CSMD1: variants seen among roughly 807,000 people sequenced by gnomAD.
CSMD1 encodes CUB and sushi domain-containing protein 1.
Under a neutral mutation model 417.5 loss-of-function variants are expected in CSMD1, and 213 were observed. The ratio of observed to expected loss-of-function variants is 0.51; its 90% CI spans 0.46 to 0.57. The LOEUF is 0.57. CSMD1 is among the 20% of genes least tolerant of loss of function. CSMD1 has a pLI of 0.00. For missense variants in CSMD1, 6,923 were observed against 4,529.7 expected (o/e 1.53, Z -15.17); for synonymous variants, 2,862 against 1,736.8 (o/e 1.65, Z -16.11).
chr8:3,373,029 A>T (rs140915613), intron 18 of CSMD1, among the ~76,000 whole-genome samples: 7 of 152,352 alleles, frequency 4.6e-5, no homozygotes, highest in African/African-American at 1.7e-4. Context: ...TATGAAGACG[A>T]TCACCATAAT....
chr8:4,008,810 A>G (rs1382687809), intron 4 of CSMD1, among the ~76,000 whole-genome samples: 1 of 151,202 alleles, frequency 6.6e-6, no homozygotes, highest in South Asian at 2.1e-4. Flanking sequence ...CGGGATTTCA[A>G]TGTGTTAGCC....
At chr8:3,470,650 C>A (rs555504292) in intron 11 of CSMD1, among the ~76,000 whole-genome samples, 14 of 152,238 alleles carry the variant, frequency 9.2e-5, no homozygotes, top group Middle Eastern at 3.4e-3. Context: ...TGGTGCTCTT[C>A]CCTTAAAATC....
intron 24 of CSMD1, 105 bp from the exon 25 acceptor site, chr8:3,307,926 G>C (rs1805010049): frequency 4.0e-6 from 5 of 1,241,830 alleles, no homozygotes; most frequent in Non-Finnish European, 5.5e-6. Context: ...TATATACATA[G>C]AGAAAAAGAA....
At chr8:3,086,977 C>G (rs1401101451) in intron 49 of CSMD1, 120 bp downstream of exon 49, 4 of 925,482 alleles carry the variant, frequency 4.3e-6, no homozygotes, top group Non-Finnish European at 6.6e-6. Flanking sequence ...CTGTTATAAG[C>G]CAACATTCAA....
chr8:3,052,305 A>T (rs541705294), intron 50 of CSMD1, among the ~76,000 whole-genome samples, 157 bp downstream of exon 50: 2 of 152,178 alleles, frequency 1.3e-5, no homozygotes, highest in Non-Finnish European at 2.9e-5. Context: ...AATATTTTAT[A>T]TGAAATACAT....
At chr8:4,048,252 A>G (rs763329653) in intron 3 of CSMD1, among the ~76,000 whole-genome samples, 8 of 152,208 alleles carry the variant, frequency 5.3e-5, no homozygotes, top group Admixed American at 2.0e-4. Context: ...TTAGAATGAA[A>G]AGTGATACCT....
At position 4,460,096 on chromosome 8, in the gene CSMD1, C is replaced by A. The variant is rs564387933; in HGVS notation, c.303-40031G>T. ...AGGGCGTATGAAACATTCTCCACAA[C>A]AGAGCATATGCCATGCCACAGAACT... is the stretch of plus-strand genomic sequence containing the variant. On this transcript the variant is annotated intron_variant, in intron 2 of 69. Transcript: ENST00000635120. Among the ~76,000 whole-genome samples the A allele has an allele frequency of 9.2e-5, 14 of 152,234 alleles. No individual in the cohort carries two copies. In the East Asian group the frequency reaches 2.5e-3, roughly 27 times the overall value.
intron 3 of CSMD1, among the ~76,000 whole-genome samples, chr8:4,379,582 A>G (rs568644532): frequency 5.6e-4 from 85 of 152,354 alleles, no homozygotes; most frequent in African/African-American, 1.6e-3. Context: ...AAATTATTTC[A>G]AAGTAAAAAC....
At chr8:4,443,636 C>T (rs1798611999) in intron 2 of CSMD1, among the ~76,000 whole-genome samples, 1 of 152,178 alleles carries the variant, frequency 6.6e-6, no homozygotes, top group African/African-American at 2.4e-5. Context: ...ACTGGAACAG[C>T]CATGCCGTTG....
intron 1 of CSMD1, among the ~76,000 whole-genome samples, chr8:4,764,760 C>G (rs1812331654): frequency 6.7e-6 from 1 of 149,954 alleles, no homozygotes; most frequent in Admixed American, 6.6e-5. Context: ...GTAGTCCCAG[C>G]TACTCTGGAG....
At chr8:4,751,394 G>GC (rs559320887) in intron 1 of CSMD1, among the ~76,000 whole-genome samples, 4 of 151,884 alleles carry the variant, frequency 2.6e-5, no homozygotes, top group Non-Finnish European at 4.4e-5. Flanking sequence ...CTGTCTCAGG[G>GC]GGGGTGGCGG....
At chr8:4,467,875 CAG>C (rs745655610) in intron 2 of CSMD1, among the ~76,000 whole-genome samples, 5 of 152,138 alleles carry the variant, frequency 3.3e-5, no homozygotes, top group South Asian at 2.1e-4. Flanking sequence ...TCCAAAAAAA[CAG>C]AATCATCTAG....
At chr8:4,446,739 G>GTC (rs1268752176) in intron 2 of CSMD1, among the ~76,000 whole-genome samples, 2 of 122,284 alleles carry the variant, frequency 1.6e-5, no homozygotes, top group Non-Finnish European at 3.3e-5. Flanking sequence ...GTGTCTGTGT[G>GTC]TGTGTGTGTG....
intron 3 of CSMD1, among the ~76,000 whole-genome samples, chr8:4,134,820 C>G (rs1035945875): frequency 6.6e-6 from 1 of 152,112 alleles, no homozygotes; most frequent in South Asian, 2.1e-4. Flanking sequence ...AAATTTTGTC[C>G]TTGGCCTTGG....
chr8:3,757,680 T>C (rs1046026940), intron 5 of CSMD1, among the ~76,000 whole-genome samples: 7 of 151,924 alleles, frequency 4.6e-5, no homozygotes, highest in Admixed American at 1.3e-4. Context: ...ATGGCCAACA[T>C]GGTGAAACCC....
intron 3 of CSMD1, among the ~76,000 whole-genome samples, chr8:4,205,431 A>G (rs1472710628): frequency 6.6e-6 from 1 of 152,210 alleles, no homozygotes; most frequent in Non-Finnish European, 1.5e-5. Context: ...CCAAACTGAT[A>G]TTTATTTCAT....
At chr8:4,286,166 A>G (rs17413239) in intron 3 of CSMD1, among the ~76,000 whole-genome samples, 16,584 of 152,010 alleles carry the variant, frequency 0.11, 1,235 homozygotes, top group Non-Finnish European at 0.16. Flanking sequence ...CCATAAACAA[A>G]AGTCAAGAGG....
chr8:4,543,264 A>G (rs1191120106), intron 2 of CSMD1, among the ~76,000 whole-genome samples: 1 of 152,136 alleles, frequency 6.6e-6, no homozygotes, highest in Non-Finnish European at 1.5e-5. Context: ...GACGGTGTGG[A>G]CTGCCCTAAA....
At chr8:4,066,539 A>C (rs1799259303) in intron 3 of CSMD1, among the ~76,000 whole-genome samples, 1 of 152,196 alleles carries the variant, frequency 6.6e-6, no homozygotes, top group Admixed American at 6.5e-5. Context: ...TATCTACCTG[A>C]AATTTTACCA....
Sources: allele counts gnomAD v4.1 joint callset (sites outside exome capture counted in the v4.1 genomes callset), GRCh38; gene constraint gnomAD v4.1.1; transcripts MANE v1.5; gene names NCBI Gene and HGNC (gene_info 2026-07-23, HGNC 2026-07-21).